The following BMERB1 variants were observed in gnomAD, a reference collection of about 807,000 sequenced individuals.
BMERB1 encodes the protein bMERB domain containing 1.
In BMERB1, 12 loss-of-function variants were observed where a neutral mutation model predicts 23.6. The observed-to-expected ratio is 0.51, with a 90% CI of 0.33 to 0.82. BMERB1 has a LOEUF of 0.82. Ranked by LOEUF, BMERB1 falls within the 40% of genes least tolerant of loss-of-function variation. The probability of loss-of-function intolerance (pLI) is 0.03; values close to 1 mark genes in which losing one functional copy is unlikely to be tolerated. For synonymous variants in BMERB1, 122 were observed against 96.6 expected (o/e 1.26, Z -1.54); for missense variants, 247 against 255.4 (o/e 0.97, Z 0.22).
At chr16:15,564,344 TG>T (rs1235750746) in intron 2 of BMERB1, among the ~76,000 whole-genome samples, 4 of 152,226 alleles carry the variant, frequency 2.6e-5, no homozygotes, top group African/African-American at 9.6e-5. Flanking sequence ...AATTTTTTTT[TG>T]TTTTTAAGCA....
intron 1 of BMERB1, among the ~76,000 whole-genome samples, chr16:15,477,028 A>G (rs577759823): frequency 1.3e-5 from 2 of 152,280 alleles, no homozygotes; most frequent in Admixed American, 6.5e-5. Context: ...TGAGAGTCCA[A>G]CGTGGGAGGA....
At chr16:15,581,771 T>TA (rs1330911670) in intron 4 of BMERB1, among the ~76,000 whole-genome samples, 9 of 152,194 alleles carry the variant, frequency 5.9e-5, no homozygotes, top group South Asian at 2.1e-4. Context: ...TGCCCTTTTC[T>TA]AAGTATCAGG....
At chr16:15,532,161 T>C (rs1319923907) in intron 2 of BMERB1, among the ~76,000 whole-genome samples, 1 of 152,324 alleles carries the variant, frequency 6.6e-6, no homozygotes, top group East Asian at 1.9e-4. Context: ...TCTCAAGTTA[T>C]ATTAGATCAA....
intron 1 of BMERB1, among the ~76,000 whole-genome samples, chr16:15,482,049 A>C (rs62039124): frequency 0.06 from 9,115 of 152,078 alleles, 325 homozygotes; most frequent in Non-Finnish European, 0.081. Flanking sequence ...AATTCTAAAT[A>C]ATCATCAGGA....
chr16:15,521,669 C>G (rs2051855495), intron 2 of BMERB1, among the ~76,000 whole-genome samples: 1 of 152,132 alleles, frequency 6.6e-6, no homozygotes, highest in Non-Finnish European at 1.5e-5. Flanking sequence ...TGCTTGACCC[C>G]TGGTTTCCAA....
At chr16:15,503,400 G>A (rs2150944166) in intron 1 of BMERB1, among the ~76,000 whole-genome samples, 1 of 151,396 alleles carries the variant, frequency 6.6e-6, no homozygotes, top group Non-Finnish European at 1.5e-5. Flanking sequence ...TTCTGCCTCA[G>A]CCTCCTGAGT....
At chr16:15,461,734 G>T (rs1256264421) in intron 1 of BMERB1, among the ~76,000 whole-genome samples, 1 of 151,908 alleles carries the variant, frequency 6.6e-6, no homozygotes, top group Non-Finnish European at 1.5e-5. Context: ...ACCAGCCTGG[G>T]CAACACAGCA....
chr16:15,581,196 T>G, intron 3 of BMERB1, 21 bp from the exon 4 acceptor site: 2 of 1,584,266 alleles, frequency 1.3e-6, no homozygotes, highest in Non-Finnish European at 1.7e-6. Context: ...ATCTGTCTCC[T>G]TGTTGATGTC....
rs1277233352 is a variant in BMERB1, at chr16:15,587,974, T to G, written c.*1145T>G. On this transcript the variant is annotated 3_prime_UTR_variant, in exon 6 of 6. Transcript: ENST00000300006. ...AACCACGTTCACAGCATTTTAAAAGTTTTTACTTTTTTTCTTGATTATGGA... is the reference window on the plus strand; with the variant it reads ...AACCACGTTCACAGCATTTTAAAAGGTTTTACTTTTTTTCTTGATTATGGA... 6.6e-6 allele frequency: 1 copy of G among 152,558 alleles called. No individual in the cohort carries two copies. Among genetic ancestry groups the G allele is most frequent in the Non-Finnish European group, 1.5e-5 (1 of 68,148 alleles). 9.5% of individuals were successfully genotyped at this position (152,558 alleles called of 1,614,324 possible). A position where few individuals can be genotyped will look rare whatever the true frequency, so the allele number is the denominator to read the frequency against.
At chr16:15,569,523 T>TC (rs992000967) in intron 3 of BMERB1, among the ~76,000 whole-genome samples, 2 of 152,102 alleles carry the variant, frequency 1.3e-5, no homozygotes, top group Non-Finnish European at 2.9e-5. Context: ...CATGATCCAA[T>TC]CACCTCTCAT....
intron 2 of BMERB1, among the ~76,000 whole-genome samples, chr16:15,550,499 AT>A (rs1291834316): frequency 0.022 from 3,086 of 140,786 alleles, 71 homozygotes; most frequent in African/African-American, 0.059. Flanking sequence ...TGCCTGGCTA[AT>A]TTTTTTTTTT....
intron 3 of BMERB1, among the ~76,000 whole-genome samples, chr16:15,574,891 A>G (rs1432210655): frequency 1.3e-5 from 2 of 152,176 alleles, no homozygotes; most frequent in Admixed American, 1.3e-4. Flanking sequence ...CAGCCTGGCC[A>G]ACATGGCGAG....
intron 1 of BMERB1, among the ~76,000 whole-genome samples, chr16:15,482,416 C>T (rs2051329594): frequency 6.6e-6 from 1 of 152,130 alleles, no homozygotes; most frequent in Non-Finnish European, 1.5e-5. Context: ...GAGAAAACAT[C>T]CTAGTGGCCA....
At chr16:15,504,560 C>G (rs1442624024) in intron 1 of BMERB1, among the ~76,000 whole-genome samples, 1 of 151,916 alleles carries the variant, frequency 6.6e-6, no homozygotes, top group African/African-American at 2.4e-5. Context: ...GCGATCCTCC[C>G]ACCTCAGCCT....
chr16:15,470,772 C>T (rs2051222805), intron 1 of BMERB1, among the ~76,000 whole-genome samples: 1 of 148,298 alleles, frequency 6.7e-6, no homozygotes, highest in Middle Eastern at 3.8e-3. Flanking sequence ...GATCTGCCCA[C>T]TTTGGCCTCC....
chr16:15,524,870 C>T (rs2051891453), intron 2 of BMERB1, among the ~76,000 whole-genome samples: 1 of 152,172 alleles, frequency 6.6e-6, no homozygotes, highest in Non-Finnish European at 1.5e-5. Context: ...AAGGAAAATA[C>T]TCTCTAGAAG....
At chr16:15,564,185 C>T (rs2030504395) in intron 2 of BMERB1, among the ~76,000 whole-genome samples, 1 of 152,182 alleles carries the variant, frequency 6.6e-6, no homozygotes, top group South Asian at 2.1e-4. Context: ...GATATTATTT[C>T]CTCTTCATTA....
At chr16:15,445,768 T>G (rs558212730) in intron 1 of BMERB1, among the ~76,000 whole-genome samples, 1 of 152,316 alleles carries the variant, frequency 6.6e-6, no homozygotes, top group Non-Finnish European at 1.5e-5. Flanking sequence ...GACGGTGCAC[T>G]TCTGGGTATT....
intron 2 of BMERB1, among the ~76,000 whole-genome samples, chr16:15,529,899 C>G (rs964627075): frequency 1.3e-5 from 2 of 152,178 alleles, no homozygotes; most frequent in Non-Finnish European, 2.9e-5. Context: ...GTTAAAACAA[C>G]ACACATTTCT....
Sources: gnomAD v4.1 joint callset for allele counts (sites outside exome capture counted in the v4.1 genomes callset) on GRCh38, gnomAD v4.1.1 for gene constraint, MANE v1.5 for transcripts, NCBI Gene and HGNC (gene_info 2026-07-23, HGNC 2026-07-21) for gene names.